The following SMAD1 variants were observed in gnomAD, a reference collection of about 807,000 sequenced individuals.
SMAD1 encodes SMAD family member 1.
Under a neutral mutation model 41.6 loss-of-function variants are expected in SMAD1, and 6 were observed. The observed-to-expected ratio is 0.14, with a 90% CI of 0.08 to 0.28. The LOEUF is 0.28. Among genes scored for constraint, SMAD1 ranks in the 10% least tolerant of loss-of-function variants. SMAD1 has a pLI of 1.00. For synonymous variants in SMAD1, 206 were observed against 203.2 expected, an observed-to-expected ratio of 1.01 and a Z score of -0.12; for missense variants, 379 against 582.6, an observed-to-expected ratio of 0.65 and a Z score of 3.60.
intron 2 of SMAD1, among the ~76,000 whole-genome samples, chr4:145,528,048 T>A (rs965984451): frequency 6.7e-6 from 1 of 148,734 alleles, no homozygotes; most frequent in African/African-American, 2.6e-5. Flanking sequence ...TCTCGGCTAA[T>A]TTTTTTGTTT....
intron 5 of SMAD1, among the ~76,000 whole-genome samples, chr4:145,553,389 G>A (rs1336860729): frequency 6.6e-6 from 1 of 152,164 alleles, no homozygotes; most frequent in Non-Finnish European, 1.5e-5. Context: ...GAAAGGGATA[G>A]TTTCAGGATG....
At chr4:145,501,741 A>G (rs1226902656) in intron 1 of SMAD1, among the ~76,000 whole-genome samples, 1 of 145,288 alleles carries the variant, frequency 6.9e-6, no homozygotes, top group East Asian at 2.0e-4. Flanking sequence ...TTTAAACTTG[A>G]CTGAGGGACT....
At chr4:145,528,627 A>G (rs1731163343) in intron 2 of SMAD1, among the ~76,000 whole-genome samples, 2 of 152,240 alleles carry the variant, frequency 1.3e-5, no homozygotes, top group Admixed American at 6.5e-5. Flanking sequence ...TGAGCTGAAT[A>G]TAATTAATTC....
intron 1 of SMAD1, among the ~76,000 whole-genome samples, chr4:145,496,355 C>T (rs1729074027): frequency 6.6e-6 from 1 of 152,060 alleles, no homozygotes; most frequent in East Asian, 1.9e-4. Context: ...GTTTTGTCAT[C>T]TATAAAATAG....
chr4:145,492,382 G>A (rs1022751472), intron 1 of SMAD1, among the ~76,000 whole-genome samples: 1 of 152,182 alleles, frequency 6.6e-6, no homozygotes, highest in Non-Finnish European at 1.5e-5. Flanking sequence ...TAATTTGCTA[G>A]AATGGCTTAC....
rs1049565280 is a variant in SMAD1, at chr4:145,514,356, T to C, written c.-176-82T>C. 1.3e-5 allele frequency: 5 copies of C among 388,232 alleles called. No homozygotes were observed. The highest frequency in any genetic ancestry group is 1.0e-4 in the African/African-American group (5 of 48,704). 24.0% of individuals were successfully genotyped at this position (388,232 alleles called of 1,614,324 possible). On this transcript the variant is annotated intron_variant, in intron 1 of 6. Transcript: ENST00000302085. This position sits in a 1 kb window ranked among gnomAD's most constrained non-coding sequence, Gnocchi z 4.7. ...CTGTATTACATAAAAGCACTTAAAATAGTACCTAGCACATGGTGATTACTT... is the reference window on the plus strand; with the variant it reads ...CTGTATTACATAAAAGCACTTAAAACAGTACCTAGCACATGGTGATTACTT...
intron 1 of SMAD1, among the ~76,000 whole-genome samples, chr4:145,503,441 C>A (rs1729581541): frequency 6.6e-6 from 1 of 152,096 alleles, no homozygotes; most frequent in Non-Finnish European, 1.5e-5. Flanking sequence ...CAGTAAAGAG[C>A]AAGGTTTTAT....
At chr4:145,532,070 G>A (rs1731347340) in intron 2 of SMAD1, among the ~76,000 whole-genome samples, 1 of 152,158 alleles carries the variant, frequency 6.6e-6, no homozygotes, top group Non-Finnish European at 1.5e-5. Context: ...CCTTTCCAGA[G>A]CTCAGCCCCT....
At position 145,538,305 on chromosome 4, in the gene SMAD1, TAGA is replaced by T. The variant is rs1731727597; in HGVS notation, c.401-1491_401-1489del. Among the ~76,000 whole-genome samples, 4 of 152,282 alleles carry T rather than the reference TAGA, an allele frequency of 2.6e-5. No individual in the cohort carries two copies. In the South Asian group the frequency reaches 6.2e-4, roughly 24 times the overall value. ...TATAGTTCAGATGACTATTGAAAGG[TAGA>T]AGAAGAATTTATGCTTTTAATGGTT... is the stretch of plus-strand genomic sequence containing the variant. On this transcript the variant is annotated intron_variant, in intron 2 of 6. Coordinates refer to ENST00000302085, the MANE Select transcript of SMAD1 (RefSeq NM_005900.3).
chr4:145,492,653 A>G (rs1037048789), intron 1 of SMAD1, among the ~76,000 whole-genome samples: 11 of 152,218 alleles, frequency 7.2e-5, no homozygotes, highest in Non-Finnish European at 1.6e-4. Context: ...CTTAACCTTC[A>G]GCCCCTTGCC....
intron 2 of SMAD1, among the ~76,000 whole-genome samples, chr4:145,521,373 C>G (rs1374725070): frequency 6.6e-6 from 1 of 151,928 alleles, no homozygotes; most frequent in African/African-American, 2.4e-5. Flanking sequence ...TTATCTTCTG[C>G]ACTTTGAACT....
intron 5 of SMAD1, among the ~76,000 whole-genome samples, chr4:145,548,303 A>T (rs1732366320): frequency 6.6e-6 from 1 of 151,892 alleles, no homozygotes; most frequent in Non-Finnish European, 1.5e-5. Context: ...ATCTTGGCTC[A>T]CTGCAACCTC....
chr4:145,558,528 T>C lies in SMAD1; in HGVS notation c.*594T>C, dbSNP rs1732970221. Among the ~76,000 whole-genome samples the C allele has an allele frequency of 6.6e-6, 1 of 152,222 alleles. No individual in the cohort carries two copies. The highest frequency in any genetic ancestry group is 6.5e-5 in the Admixed American group (1 of 15,284). ...ATAATGCTAGGCATATGCTTTTTGC[T>C]AAATATGTATGTACAGAGTATTTGG... On this transcript the variant is annotated 3_prime_UTR_variant, in exon 7 of 7. Coordinates refer to ENST00000302085, the MANE Select transcript of SMAD1 (RefSeq NM_005900.3).
In SMAD1 at chr4:145,536,959, C is replaced by T. The variant is rs568202147; in HGVS notation, c.401-2845C>T. Among the ~76,000 whole-genome samples the T allele has an allele frequency of 2.0e-5, 3 of 151,738 alleles. No homozygotes were observed. The East Asian group carries it at 5.8e-4, about 29-fold the overall frequency. ...AACCAAAAATCTCAGAGTTTAATCA[C>T]GGGGAAGCATTAGAGGGACCCAAAT... On this transcript the variant is annotated intron_variant, in intron 2 of 6. Coordinates refer to ENST00000302085, the MANE Select transcript of SMAD1 (RefSeq NM_005900.3).
chr4:145,505,314 A>G (rs917660280), intron 1 of SMAD1, among the ~76,000 whole-genome samples: 1 of 152,206 alleles, frequency 6.6e-6, no homozygotes, highest in African/African-American at 2.4e-5. Flanking sequence ...AGGATAGATG[A>G]CACATACATT....
chr4:145,539,717 T>C (rs1731809184), intron 2 of SMAD1, 87 bp from the exon 3 acceptor site: 2 of 1,330,352 alleles, frequency 1.5e-6, no homozygotes, highest in Non-Finnish European at 2.1e-6. Context: ...TGTTGTTGTT[T>C]ACAGATTATG....
At chr4:145,550,711 A>G (rs1388641455) in intron 5 of SMAD1, among the ~76,000 whole-genome samples, 1 of 152,174 alleles carries the variant, frequency 6.6e-6, no homozygotes, top group Non-Finnish European at 1.5e-5. Flanking sequence ...TTTAAAAATT[A>G]TGTAAGTCAG....
chr4:145,537,865 T>C (rs886608686), intron 2 of SMAD1, among the ~76,000 whole-genome samples: 10 of 152,182 alleles, frequency 6.6e-5, no homozygotes, highest in Admixed American at 3.9e-4. Flanking sequence ...AAACAGATGC[T>C]CCACTAAGTG....
chr4:145,502,588 A>C (rs1177915512), intron 1 of SMAD1, among the ~76,000 whole-genome samples: 1 of 152,240 alleles, frequency 6.6e-6, no homozygotes, highest in East Asian at 1.9e-4. Context: ...GTGTATGCAG[A>C]ACAGAACCAG....
Sources: allele counts gnomAD v4.1 joint callset (sites outside exome capture counted in the v4.1 genomes callset), GRCh38; gene constraint gnomAD v4.1.1; non-coding constraint Gnocchi (gnomAD v3.1); transcripts MANE v1.5; gene names NCBI Gene and HGNC (gene_info 2026-07-23, HGNC 2026-07-21).